MAPK15: variants seen among roughly 807,000 people sequenced by gnomAD.
MAPK15 encodes the protein ERK-7.
MAPK15 carries 61 observed loss-of-function variants against 60.8 expected under a neutral mutation model. That is an observed-to-expected ratio of 1.00 (90% CI 0.82 to 1.24). The LOEUF is 1.24. MAPK15 is among the 50% of genes most tolerant of loss of function. MAPK15 has a pLI of 0.00. For missense variants in MAPK15, 808 were observed against 741.1 expected, an observed-to-expected ratio of 1.09 and a Z score of -1.05; for synonymous variants, 356 against 319.9, an observed-to-expected ratio of 1.11 and a Z score of -1.21.
At chr8:143,721,492 G>T in intron 11 of MAPK15, 57 bp from the exon 12 acceptor site, 5 of 1,612,786 alleles carry the variant, frequency 3.1e-6, no homozygotes, top group Non-Finnish European at 4.2e-6. Flanking sequence ...CGCAGCATTC[G>T]GTTCCTGACC....
chr8:143,719,429 C>T lies in MAPK15; in HGVS notation c.668C>T (p.Thr223Ile), dbSNP rs887221716. ...RGRPLFPGTS[T>I]LHQLELILET... ...AGACCCCTGTTCCCCGGCACGTCCA[C>T]CCTCCACCAGCTGGAGCTGATCCTG... is the stretch of plus-strand genomic sequence containing the variant. The change falls in exon 7 of 14, where the codon ACC becomes ATC. Residue 223 changes from threonine (T) to isoleucine (I), a missense_variant. Physicochemically the swap from Thr to Ile is moderately conservative, Grantham distance 89. Transcript: ENST00000338033. The T allele has an allele frequency of 1.6e-5, 25 of 1,610,776 alleles. No homozygotes were observed. The African/African-American group carries it at 2.4e-4, about 16-fold the overall frequency.
At chr8:143,718,726 T>TTTCCCCC in intron 4 of MAPK15, 49 bp from the exon 5 acceptor site, 1 of 417,842 alleles carries the variant, frequency 2.4e-6, no homozygotes, top group Non-Finnish European at 4.5e-6. Context: ...CCCCCCAGGT[T>TTTCCCCC]GCCCCCCCAG....
chr8:143,718,365 G>A (rs1817896779), intron 4 of MAPK15, 63 bp downstream of exon 4: 3 of 1,456,776 alleles, frequency 2.1e-6, no homozygotes, highest in Non-Finnish European at 2.9e-6. Flanking sequence ...CCGTCTGCGG[G>A]TCCCTCTGCG....
In MAPK15 at chr8:143,718,989, G is replaced by T. The variant is rs371284724; in HGVS notation, c.418-4G>T. 1.9e-6 allele frequency: 3 copies of T among 1,606,360 alleles called. No individual in the cohort carries two copies. Among genetic ancestry groups the T allele is most frequent in the African/African-American group, 2.7e-5 (2 of 74,870 alleles). On this transcript the variant is annotated splice_region_variant and splice_polypyrimidine_tract_variant and intron_variant, in intron 5 of 13. Transcript: ENST00000338033. ...CGGGGCCTCAGCCTGCCTCCTCTCT[G>T]CAGCCGTCCAATGTGCTCCTGGATG...
intron 1 of MAPK15, among the ~76,000 whole-genome samples, chr8:143,716,896 CTG>C (rs139694973): frequency 6.6e-6 from 1 of 151,296 alleles, no homozygotes. Flanking sequence ...CCTTGTGTAT[CTG>C]TGTGTGTGTG....
At position 143,722,171 on chromosome 8, in the gene MAPK15, G is replaced by C; in HGVS notation, c.1555G>C (p.Gly519Arg). Residue 519 changes from glycine to arginine, a missense_variant, in exon 14 of 14, where the codon GGA becomes CGA. By Grantham distance (125) the Gly-to-Arg change is moderately radical. Transcript: ENST00000338033. Reference sequence around the variant, plus strand: ...CCAGGGGGGTGCCAGGGCTTTGCTTGGAGGCTACTCCCAAGCCTACGGGAC... The same window carrying C: ...CCAGGGGGGTGCCAGGGCTTTGCTTCGAGGCTACTCCCAAGCCTACGGGAC... ...GAQGGARALL[G>R]GYSQAYGTVC... 6.2e-7 allele frequency: 1 copy of C among 1,610,820 alleles called. No individual in the cohort carries two copies. Among genetic ancestry groups the C allele is most frequent in the East Asian group, 2.2e-5 (1 of 44,856 alleles).
chr8:143,718,915 C>G lies in MAPK15; in HGVS notation c.417+10C>G, dbSNP rs782026182. Reference sequence around the variant, plus strand: ...GCACCGGGACCAGAAGGTGCGGTTCCCCCGCCCCCGCTATGCCACGTGGCC... The same window carrying G: ...GCACCGGGACCAGAAGGTGCGGTTCGCCCGCCCCCGCTATGCCACGTGGCC... On this transcript the variant is annotated intron_variant, in intron 5 of 13. Coordinates refer to ENST00000338033, the MANE Select transcript of MAPK15 (RefSeq NM_139021.3). 1.2e-6 allele frequency: 2 copies of G among 1,600,128 alleles called. No homozygotes were observed. The highest frequency in any genetic ancestry group is 3.4e-5 in the Admixed American group (2 of 59,162).
chr8:143,722,187 C>T lies in MAPK15; in HGVS notation c.1571C>T (p.Ala524Val), dbSNP rs782470219. 9.9e-6 allele frequency: 16 copies of T among 1,609,242 alleles called. No homozygotes were observed. Among genetic ancestry groups the T allele is most frequent in the Middle Eastern group, 1.6e-4 (1 of 6,062 alleles). ...GCTTTGCTTGGAGGCTACTCCCAAG[C>T]CTACGGGACTGTCTGCCACTCGGCA... ...ARALLGGYSQAYGTVCHSALG... is the reference protein window; with the variant it reads ...ARALLGGYSQVYGTVCHSALG... Residue 524 changes from alanine (A) to valine (V), a missense_variant, in exon 14 of 14, where the codon GCC (alanine) becomes GTC (valine). By Grantham distance (64) the Ala-to-Val change is moderately conservative (BLOSUM62 0). Coordinates refer to ENST00000338033, the MANE Select transcript of MAPK15 (RefSeq NM_139021.3).
rs781790820 is a variant in MAPK15, at chr8:143,721,302, G to A, written c.1095G>A (p.Gln365=). ...GCCCGGAGGGTGTCTCCCCAAGCCA[G>A]GCACACCTGCACAAACCCAGAGCCG... ...EKGPEGVSPS[Q]AHLHKPRADP... Residue 365 remains glutamine, a synonymous_variant, in exon 11 of 14, where the codon CAG becomes CAA. Transcript: ENST00000338033. 1 of 1,613,718 alleles carries A rather than the reference G, an allele frequency of 6.2e-7. No homozygotes were observed. Among genetic ancestry groups the A allele is most frequent in the Non-Finnish European group, 8.5e-7 (1 of 1,179,946 alleles).
chr8:143,718,727 G>GGGGGGCCC, intron 4 of MAPK15, 48 bp from the exon 5 acceptor site: 1 of 514,518 alleles, frequency 1.9e-6, no homozygotes, highest in East Asian at 3.3e-5. Flanking sequence ...CCCCCAGGTT[G>GGGGGGCCC]CCCCCCCAGC....
At position 143,721,124 on chromosome 8, in the gene MAPK15, C is replaced by T. The variant is rs1554619693; in HGVS notation, c.1023+19C>T. Reference sequence around the variant, plus strand: ...CTATCAGGTGCTCCGGCTCTCGACCCCTATCATCCCCTGTCTACTGCACCC... The same window carrying T: ...CTATCAGGTGCTCCGGCTCTCGACCTCTATCATCCCCTGTCTACTGCACCC... On this transcript the variant is annotated intron_variant, in intron 10 of 13. Transcript: ENST00000338033. The T allele has an allele frequency of 1.2e-6, 2 of 1,606,062 alleles. No homozygotes were observed. The highest frequency in any genetic ancestry group is 2.7e-5 in the African/African-American group (2 of 74,752).
rs1554618363 is a variant in MAPK15 at position 143,716,451 on chromosome 8, C to G, written c.66+8C>G. 1 of 1,596,006 alleles carries G rather than the reference C, an allele frequency of 6.3e-7. No individual in the cohort carries two copies. Among genetic ancestry groups the G allele is most frequent in the Non-Finnish European group, 8.5e-7 (1 of 1,173,026 alleles). Reference sequence around the variant, plus strand: ...CGGCAGCTCGGGCAGGGGGTGAGTGCCTGGGGGTGCGTCCGCGCGCCGAGG... The same window carrying G: ...CGGCAGCTCGGGCAGGGGGTGAGTGGCTGGGGGTGCGTCCGCGCGCCGAGG... On this transcript the variant is annotated splice_region_variant and intron_variant, in intron 1 of 13. Transcript: ENST00000338033.
chr8:143,717,594 C>G, intron 1 of MAPK15, 100 bp from the exon 2 acceptor site: 1 of 1,032,936 alleles, frequency 9.7e-7, no homozygotes, highest in Non-Finnish European at 1.5e-6. Context: ...CCTCTCGGGA[C>G]CCAGGATGGG....
At position 143,721,636 on chromosome 8, in the gene MAPK15, C is replaced by T. The variant is rs1554619886; in HGVS notation, c.1292C>T (p.Pro431Leu). Residue 431 changes from proline (P) to leucine (L), a missense_variant, in exon 12 of 14, where the codon CCT becomes CTT. Pro to Leu is a moderately conservative substitution (Grantham distance 98). Coordinates refer to ENST00000338033, the MANE Select transcript of MAPK15 (RefSeq NM_139021.3). The stretch of plus-strand genomic sequence containing the variant: ...CTCCTAGGGAATGGGGAAAGGCCCC[C>T]TGGGGCGAAGGAAGCGCCCCCCTTG... ...TALLGNGERPPGAKEAPPLTL... is the reference protein window; with the variant it reads ...TALLGNGERPLGAKEAPPLTL... 2 of 1,610,482 alleles carry T rather than the reference C, an allele frequency of 1.2e-6. No homozygotes were observed. The highest frequency in any genetic ancestry group is 1.7e-6 in the Non-Finnish European group (2 of 1,178,096).
intron 7 of MAPK15, 44 bp downstream of exon 7, chr8:143,719,526 C>G: frequency 6.3e-7 from 1 of 1,592,758 alleles, no homozygotes; most frequent in Non-Finnish European, 8.5e-7. Context: ...TGCTGCAGGT[C>G]AGACAGCACA....
At position 143,717,724 on chromosome 8, in the gene MAPK15, C is replaced by A. The variant is rs782266146; in HGVS notation, c.97C>A (p.Arg33=). ...AYGIVWKAVD[R]RTGEVVAIKK... ...TGGCATTGTGTGGAAGGCAGTGGAC[C>A]GGAGGACTGGTGAGGTCGTGGCCAT... The change falls in exon 2 of 14, where the codon CGG becomes AGG. Residue 33 remains arginine (R), a synonymous_variant. Transcript: ENST00000338033. 17 of 1,611,346 alleles carry A rather than the reference C, an allele frequency of 1.1e-5. No homozygotes were observed. The African/African-American group carries it at 1.9e-4, about 18-fold the overall frequency.
At position 143,720,089 on chromosome 8, in the gene MAPK15, G is replaced by C; in HGVS notation, c.722-141G>C. 8.0e-7 allele frequency: 1 copy of C among 1,249,018 alleles called. No individual in the cohort carries two copies. The highest frequency in any genetic ancestry group is 1.1e-6 in the Non-Finnish European group (1 of 902,502). 77.4% of individuals were successfully genotyped at this position (1,249,018 alleles called of 1,614,324 possible). On this transcript the variant is annotated intron_variant, in intron 7 of 13. Coordinates refer to ENST00000338033, the MANE Select transcript of MAPK15 (RefSeq NM_139021.3). This position sits in a 1 kb window ranked among gnomAD's most constrained non-coding sequence, Gnocchi z 4.6. ...CTGGGTGGCACGCCCTGGTGATGGG[G>C]TGTTTGAGCCCCGCCAGACAGCAGA...
Position 143,722,405 on chromosome 8 carries a change from G to C in MAPK15, c.*154G>C. The C allele has an allele frequency of 1.6e-6, 1 of 606,584 alleles. No individual in the cohort carries two copies. 37.6% of individuals were successfully genotyped at this position (606,584 alleles called of 1,614,324 possible). A position where few individuals can be genotyped will look rare whatever the true frequency, so the allele number is the denominator to read the frequency against. On this transcript the variant is annotated 3_prime_UTR_variant, in exon 14 of 14. Coordinates refer to ENST00000338033, the MANE Select transcript of MAPK15 (RefSeq NM_139021.3). ...CGGGTCTCCTCGGGGGAGCAGATGA[G>C]GGCCCTGCCCCCGCCCCACTGACTT...
chr8:143,720,808 G>C lies in MAPK15; in HGVS notation c.885G>C (p.Ala295=). The change falls in exon 9 of 14, where the codon GCG becomes GCC. Residue 295 remains alanine (A), a synonymous_variant. Coordinates refer to ENST00000338033, the MANE Select transcript of MAPK15 (RefSeq NM_139021.3). This position sits in a 1 kb window ranked among gnomAD's most constrained non-coding sequence, Gnocchi z 4.6. ...LVFAPDKRLS[A]TQALQHPYVQ... The stretch of plus-strand genomic sequence containing the variant: ...TCGCCCCGGACAAGCGGTTAAGCGC[G>C]ACCCAGGCACTGCAGCACCCCTACG... 6 of 1,613,428 alleles carry C rather than the reference G, an allele frequency of 3.7e-6. No homozygotes were observed. The highest frequency in any genetic ancestry group is 5.1e-6 in the Non-Finnish European group (6 of 1,179,882).
Sources: allele counts gnomAD v4.1 joint callset (sites outside exome capture counted in the v4.1 genomes callset), GRCh38; gene constraint gnomAD v4.1.1; non-coding constraint Gnocchi (gnomAD v3.1); transcripts MANE v1.5; gene names NCBI Gene and HGNC (gene_info 2026-07-23, HGNC 2026-07-21).